ARID3A: variants seen among roughly 807,000 people sequenced by gnomAD.
The protein encoded by ARID3A is AT-rich interactive domain-containing protein 3A.
In ARID3A, 11 loss-of-function variants were observed where a neutral mutation model predicts 52.7. The observed-to-expected ratio is 0.21, with a 90% CI of 0.13 to 0.35. The LOEUF (loss-of-function observed/expected upper bound fraction) is 0.35. Among genes scored for constraint, ARID3A ranks in the 10% least tolerant of loss-of-function variants. The pLI is 1.00. For missense variants in ARID3A, 721 were observed against 838.5 expected, an observed-to-expected ratio of 0.86 and a Z score of 1.73; for synonymous variants, 404 against 359.4, an observed-to-expected ratio of 1.12 and a Z score of -1.40.
rs914196465 is a variant in ARID3A, at chr19:959,615, G to A, written c.694-477G>A. Among the ~76,000 whole-genome samples the A allele has an allele frequency of 6.6e-6, 1 of 152,160 alleles. No homozygotes were observed. The highest frequency in any genetic ancestry group is 2.4e-5 in the African/African-American group (1 of 41,446). ...TGGGCTCCGGGACCGCGGGAGAATAGATTTCTGTTGCTTTAAGCTGCAACG... is the reference window on the plus strand; with the variant it reads ...TGGGCTCCGGGACCGCGGGAGAATAAATTTCTGTTGCTTTAAGCTGCAACG... On this transcript the variant is annotated intron_variant, in intron 3 of 8. Transcript: ENST00000263620. The surrounding 1 kb of genome is among the most constrained non-coding windows in gnomAD (Gnocchi z 5.0).
At chr19:927,792 G>A (rs1238997718) in intron 1 of ARID3A, among the ~76,000 whole-genome samples, 1 of 152,136 alleles carries the variant, frequency 6.6e-6, no homozygotes, top group Non-Finnish European at 1.5e-5. Flanking sequence ...CAGCGCTATG[G>A]CCCTGAGGTC....
rs945480016 is a variant in ARID3A, at chr19:972,202, G to A, written c.*137G>A. ...TATCCAGAAAGGAGCCACAGCTGAC[G>A]CCAAAAAGAAAAGAAAAAAGATATA... On this transcript the variant is annotated 3_prime_UTR_variant, in exon 9 of 9. Transcript: ENST00000263620. 25 of 510,670 alleles carry A rather than the reference G, an allele frequency of 4.9e-5. No individual in the cohort carries two copies. The highest frequency in any genetic ancestry group is 2.7e-4 in the Admixed American group (6 of 21,892). The allele number at this position is 510,670 out of a possible 1,614,324, so 31.6% of individuals were successfully genotyped here.
chr19:930,763 C>G (rs190544435), intron 2 of ARID3A, among the ~76,000 whole-genome samples: 2 of 151,310 alleles, frequency 1.3e-5, no homozygotes, highest in African/African-American at 4.8e-5. Context: ...CCTGCCTTGG[C>G]CTCCCAAAGT....
intron 3 of ARID3A, among the ~76,000 whole-genome samples, chr19:934,072 C>T (rs2037390270): frequency 6.6e-6 from 1 of 152,168 alleles, no homozygotes; most frequent in Non-Finnish European, 1.5e-5. Context: ...ATTTAATTCA[C>T]CAATTAATTT....
In ARID3A at chr19:966,633, C is replaced by T; in HGVS notation, c.1260C>T (p.His420=). 1 of 1,602,494 alleles carries T rather than the reference C, an allele frequency of 6.2e-7. No individual in the cohort carries two copies. The highest frequency in any genetic ancestry group is 8.5e-7 in the Non-Finnish European group (1 of 1,171,670). ...GCCTGCCTGTGTCCCTGGCGGGCCA[C>T]CCTGTGGTGGCAGCCCAGGCAGCAG... ...PGRLPVSLAG[H]PVVAAQAAAV... is the part of the protein sequence containing the mutation. Residue 420 remains histidine (H), a synonymous_variant, in exon 7 of 9, where the codon CAC becomes CAT. Transcript: ENST00000263620.
At chr19:965,418 CTG>C in intron 6 of ARID3A, 1 of 266,038 alleles carries the variant, frequency 3.8e-6, no homozygotes, top group Non-Finnish European at 7.3e-6. Context: ...CACTGAGCCT[CTG>C]AATCCTCCAT....
intron 3 of ARID3A, among the ~76,000 whole-genome samples, chr19:934,823 G>T (rs1420021980): frequency 1.3e-5 from 2 of 152,124 alleles, no homozygotes; most frequent in South Asian, 2.1e-4. Flanking sequence ...GCCCAGGTTG[G>T]TCTCAAACTC....
intron 3 of ARID3A, among the ~76,000 whole-genome samples, chr19:946,796 TTG>T (rs544067938): frequency 2.7e-5 from 4 of 149,910 alleles, no homozygotes; most frequent in African/African-American, 2.5e-5. Flanking sequence ...GTTTGTTTGT[TTG>T]TGTGTGTGTG....
At position 931,588 on chromosome 19, in the gene ARID3A, G is replaced by A. The variant is rs377557278; in HGVS notation, c.369-830G>A. On this transcript the variant is annotated intron_variant, in intron 2 of 8. Transcript: ENST00000263620. ...AGCACTTTGGGAGGCCGAGGTGGGC[G>A]GATCACGAGGTCAGGAGATCGAGAC... Among the ~76,000 whole-genome samples the A allele has an allele frequency of 4.9e-4, 74 of 152,222 alleles. No individual in the cohort carries two copies. In the East Asian group the frequency reaches 8.9e-3, roughly 18 times the overall value.
chr19:940,118 G>A (rs1419498650), intron 3 of ARID3A, among the ~76,000 whole-genome samples: 4 of 152,106 alleles, frequency 2.6e-5, no homozygotes, highest in African/African-American at 9.7e-5. Flanking sequence ...TGCAGGATGT[G>A]TAAGAGTTTG....
In ARID3A at chr19:973,104, A is replaced by ATCTTTTTTTC. The variant is rs775338115; in HGVS notation, c.*1040_*1041insCTTTTTTTCT. On this transcript the variant is annotated 3_prime_UTR_variant, in exon 9 of 9. Coordinates refer to ENST00000263620, the MANE Select transcript of ARID3A (RefSeq NM_005224.3). Reference sequence around the variant, plus strand: ...GGGCTCTCGAGTCAGGGGCCTGGAAATTTTTTTTTTTTTTTTTTTTTGAGA... The same window carrying ATCTTTTTTTC: ...GGGCTCTCGAGTCAGGGGCCTGGAAATCTTTTTTTCTTTTTTTTTTTTTTTTTTTTTGAGA... 1.9e-5 allele frequency: 1 copy of ATCTTTTTTTC among 53,488 alleles called. No individual in the cohort carries two copies. The highest frequency in any genetic ancestry group is 3.4e-5 in the Non-Finnish European group (1 of 29,006). 3.3% of individuals were successfully genotyped at this position (53,488 alleles called of 1,614,324 possible).
intron 3 of ARID3A, among the ~76,000 whole-genome samples, chr19:953,910 T>C (rs1182347791): frequency 6.6e-6 from 1 of 152,100 alleles, no homozygotes; most frequent in African/African-American, 2.4e-5. Flanking sequence ...CTTGTCTCTA[T>C]AGAAATACAA....
At chr19:930,831 C>T (rs1276205366) in intron 2 of ARID3A, among the ~76,000 whole-genome samples, 1 of 150,980 alleles carries the variant, frequency 6.6e-6, no homozygotes, top group Non-Finnish European at 1.5e-5. Context: ...TCTTAGTTAA[C>T]TTAAAGCAAC....
intron 3 of ARID3A, among the ~76,000 whole-genome samples, chr19:948,452 C>T (rs1051745917): frequency 1.3e-5 from 2 of 152,126 alleles, no homozygotes; most frequent in African/African-American, 4.8e-5. Context: ...GGGGCCACAG[C>T]GCCAGCTTCC....
rs761756463 is a variant in ARID3A at position 932,490 on chromosome 19, C to CGAGGATGAGGAGGAGGAG, written c.447_464dup (p.Glu152_Glu157dup). The CGAGGATGAGGAGGAGGAG allele has an allele frequency of 5.1e-6, 8 of 1,568,894 alleles. No homozygotes were observed. The highest frequency in any genetic ancestry group is 4.6e-5 in the East Asian group (2 of 43,188). Reference sequence around the variant, plus strand: ...ATGAGGAGGAGGAGGAGGAGGATTACGAGGATGAGGAGGAGGAGGAGGACG... The same window carrying CGAGGATGAGGAGGAGGAG: ...ATGAGGAGGAGGAGGAGGAGGATTACGAGGATGAGGAGGAGGAGGAGGATGAGGAGGAGGAGGAGGACG... On this transcript the variant is annotated inframe_insertion, in exon 3 of 9. Coordinates refer to ENST00000263620, the MANE Select transcript of ARID3A (RefSeq NM_005224.3).
intron 3 of ARID3A, among the ~76,000 whole-genome samples, chr19:940,803 G>A (rs1057301702): frequency 6.6e-6 from 1 of 152,162 alleles, no homozygotes; most frequent in Non-Finnish European, 1.5e-5. Context: ...GTGAGCCGCC[G>A]GGAGGGCTGT....
Position 929,778 on chromosome 19 carries a change from G to C in ARID3A, c.250G>C (p.Gly84Arg). ...AGCCAGCCCCGGCGGCTCTGAGGAT[G>C]GGCCCCCAGGCTCGGAGGAGGAGGA... ...HPASPGGSED[G>R]PPGSEEEDAA... The change falls in exon 2 of 9, where the codon GGG becomes CGG. Residue 84 changes from glycine to arginine, a missense_variant. Physicochemically the swap from Gly to Arg is moderately radical, Grantham distance 125 (BLOSUM62 -2). Coordinates refer to ENST00000263620, the MANE Select transcript of ARID3A (RefSeq NM_005224.3). The surrounding 1 kb of genome is among the most constrained non-coding windows in gnomAD (Gnocchi z 6.2). 1 of 1,551,440 alleles carries C rather than the reference G, an allele frequency of 6.4e-7. No individual in the cohort carries two copies.
intron 4 of ARID3A, among the ~76,000 whole-genome samples, chr19:963,192 T>C (rs1487813310): frequency 1.3e-5 from 2 of 152,172 alleles, no homozygotes; most frequent in Non-Finnish European, 2.9e-5. Context: ...AACCTCGATG[T>C]CCACGTCCCC....
Position 964,213 on chromosome 19 carries a change from G to A in ARID3A, c.767-35G>A, listed in dbSNP as rs1010251020. The A allele has an allele frequency of 6.3e-7, 1 of 1,577,044 alleles. No individual in the cohort carries two copies. ...ACACTCGGCTCCCTGCAGTGCCCAG[G>A]TGGCCCCCAACCTCCCTCTCGCCCC... is the stretch of plus-strand genomic sequence containing the variant. On this transcript the variant is annotated intron_variant, in intron 4 of 8. Transcript: ENST00000263620. The surrounding 1 kb of genome is among the most constrained non-coding windows in gnomAD (Gnocchi z 5.7).
Sources: gnomAD v4.1 joint callset for allele counts (sites outside exome capture counted in the v4.1 genomes callset) on GRCh38, gnomAD v4.1.1 for gene constraint, Gnocchi (gnomAD v3.1) non-coding constraint, MANE v1.5 for transcripts, NCBI Gene and HGNC (gene_info 2026-07-23, HGNC 2026-07-21) for gene names.